DGLUCY: variants seen among roughly 807,000 people sequenced by gnomAD.
DGLUCY encodes D-glutamate cyclase, mitochondrial.
DGLUCY carries 58 observed loss-of-function variants against 58.5 expected under a neutral mutation model. The observed-to-expected ratio is 0.99, with a 90% CI of 0.80 to 1.23. The LOEUF is 1.23. Ranked by LOEUF, DGLUCY falls within the 50% of genes most tolerant of loss-of-function variation. DGLUCY has a pLI of 0.00. For missense variants in DGLUCY, 779 were observed against 784.7 expected (o/e 0.99, Z 0.09); for synonymous variants, 325 against 314.1 (o/e 1.03, Z -0.37).
chr14:91,149,367 ACT>A (rs2047187959), intron 1 of DGLUCY, among the ~76,000 whole-genome samples: 1 of 152,128 alleles, frequency 6.6e-6, no homozygotes, highest in Admixed American at 6.6e-5. Flanking sequence ...GGTCGTTATC[ACT>A]CTGGCAAATT....
intron 1 of DGLUCY, among the ~76,000 whole-genome samples, chr14:91,073,929 C>T (rs1159641114): frequency 3.3e-5 from 5 of 151,154 alleles, no homozygotes; most frequent in Non-Finnish European, 5.9e-5. Context: ...AAGACCAGCC[C>T]GGGCAATATA....
chr14:91,189,974 G>T (rs1047705703), intron 9 of DGLUCY, among the ~76,000 whole-genome samples: 3 of 138,270 alleles, frequency 2.2e-5, no homozygotes, highest in Non-Finnish European at 3.0e-5. Flanking sequence ...CACTCTGTTA[G>T]GTTCTTTTTT....
intron 9 of DGLUCY, among the ~76,000 whole-genome samples, chr14:91,190,230 G>T (rs891652378): frequency 6.6e-6 from 1 of 151,734 alleles, no homozygotes; most frequent in Non-Finnish European, 1.5e-5. Flanking sequence ...CTCGTGATCC[G>T]CCCGCCTCGG....
At chr14:91,205,806 TCTCCTCCTCCTC>T (rs146159847) in intron 12 of DGLUCY, among the ~76,000 whole-genome samples, 1 of 131,882 alleles carries the variant, frequency 7.6e-6, no homozygotes, top group East Asian at 2.2e-4. Context: ...TCCGTCTCCT[TCTCCTCCTCCTC>T]CTCCTCCTCC....
rs777627944 is a variant in DGLUCY, at chr14:91,170,125, CCCTGGAGGAGGCCT to C, written c.381_394del (p.Leu128GlyfsTer60). 4.5e-5 allele frequency: 73 copies of C among 1,613,410 alleles called. No individual in the cohort carries two copies. The South Asian group carries it at 7.6e-4, about 17-fold the overall frequency. ...GCCTTCTTCCTGGGCTGCAGCTTCT[CCCTGGAGGAGGCCT>C]TGGAGAAAGCGGGGCTCCCCAGAAG... On this transcript the variant is annotated frameshift_variant, in exon 5 of 14. Coordinates refer to ENST00000256324, the MANE Select transcript of DGLUCY (RefSeq NM_001102368.3). LOFTEE classifies it high-confidence loss of function.
chr14:91,149,505 A>G (rs1443280214), intron 1 of DGLUCY, among the ~76,000 whole-genome samples: 1 of 152,192 alleles, frequency 6.6e-6, no homozygotes, highest in Non-Finnish European at 1.5e-5. Flanking sequence ...AGAAGTAGCT[A>G]AACATCCTTA....
chr14:91,078,691 A>T (rs2044071537), intron 1 of DGLUCY, among the ~76,000 whole-genome samples: 8 of 152,086 alleles, frequency 5.3e-5, no homozygotes, highest in Admixed American at 5.2e-4. Context: ...GCCACATTGA[A>T]GTTTTGGGGT....
intron 6 of DGLUCY, chr14:91,173,682 G>A: frequency 1.1e-5 from 5 of 461,536 alleles, no homozygotes; most frequent in East Asian, 8.0e-5. Context: ...AGGGGCAAAG[G>A]CCCTGAACAA....
At chr14:91,142,855 ACAC>A in intron 1 of DGLUCY, among the ~76,000 whole-genome samples, 3 of 147,062 alleles carry the variant, frequency 2.0e-5, no homozygotes, top group African/African-American at 7.5e-5. Context: ...ACACACACAC[ACAC>A]ACACACACAC....
chr14:91,169,751 G>A lies in DGLUCY; in HGVS notation c.258-252G>A, dbSNP rs148044957. On this transcript the variant is annotated intron_variant, in intron 4 of 13. Transcript: ENST00000256324. ...GGTGGTTTGGCTTGTTTTGGCTTGC[G>A]GGTATAGGAGACACACTGGGTGGGA... 6.8e-4 allele frequency among the ~76,000 whole-genome samples: 104 copies of A among 151,860 alleles called. 1 individual carries two copies. Among genetic ancestry groups the A allele is most frequent in the South Asian group, 6.7e-3 (32 of 4,784 alleles).
chr14:91,080,832 G>A (rs1191295510), intron 1 of DGLUCY, among the ~76,000 whole-genome samples: 1 of 152,180 alleles, frequency 6.6e-6, no homozygotes, highest in Non-Finnish European at 1.5e-5. Flanking sequence ...TGCCTTTTGT[G>A]TGCATTGTGC....
Position 91,199,788 on chromosome 14 carries a change from GGAAGAGCTGCTGATGGCAATTAC to G in DGLUCY, c.1328_1350del (p.Gly443ValfsTer13). On this transcript the variant is annotated frameshift_variant, in exon 11 of 14. Transcript: ENST00000256324. LOFTEE classifies it high-confidence loss of function. ...CCACCTGGTGGCCATAGAGCGTGCCGGAAGAGCTGCTGATGGCAATTACTACAATGCAAGGAAGATGAACATCA... is the reference window on the plus strand; with the variant it reads ...CCACCTGGTGGCCATAGAGCGTGCCGTACAATGCAAGGAAGATGAACATCA... The G allele has an allele frequency of 6.2e-7, 1 of 1,614,164 alleles. No individual in the cohort carries two copies. The highest frequency in any genetic ancestry group is 8.5e-7 in the Non-Finnish European group (1 of 1,180,032).
chr14:91,199,513 A>G (rs2050421687), intron 10 of DGLUCY, among the ~76,000 whole-genome samples: 1 of 152,062 alleles, frequency 6.6e-6, no homozygotes, highest in Non-Finnish European at 1.5e-5. Flanking sequence ...TCGGCCTCCC[A>G]AACTGCTGGG....
At chr14:91,197,264 GC>G (rs1008726071) in intron 10 of DGLUCY, among the ~76,000 whole-genome samples, 2 of 151,954 alleles carry the variant, frequency 1.3e-5, no homozygotes, top group African/African-American at 4.8e-5. Context: ...ACCGCGCCTG[GC>G]CGCTAATTTT....
chr14:91,187,078 C>T (rs1413715948), intron 8 of DGLUCY, among the ~76,000 whole-genome samples: 1 of 152,066 alleles, frequency 6.6e-6, no homozygotes, highest in Non-Finnish European at 1.5e-5. Flanking sequence ...CGGCTCACTG[C>T]AACCTCCACC....
At chr14:91,068,075 G>A (rs1378848749) in intron 1 of DGLUCY, among the ~76,000 whole-genome samples, 5 of 46,058 alleles carry the variant, frequency 1.1e-4, no homozygotes, top group South Asian at 8.6e-4. Context: ...ACACACACGC[G>A]CACGCACACA....
In DGLUCY at chr14:91,196,744, T is replaced by TAAAAAAAAAAAAAAAAAAAAAAAAAA. The variant is rs146566022; in HGVS notation, c.1295+294_1295+295insAAAAAAAAAAAAAAAAAAAAAAAAAA. Among the ~76,000 whole-genome samples, 3 of 94,870 alleles carry TAAAAAAAAAAAAAAAAAAAAAAAAAA rather than the reference T, an allele frequency of 3.2e-5. 1 individual carries two copies. The highest frequency in any genetic ancestry group is 4.1e-5 in the Non-Finnish European group (2 of 48,194). 62.2% of individuals were successfully genotyped at this position (94,870 alleles called of 152,430 possible). A position where few individuals can be genotyped will look rare whatever the true frequency, so the allele number is the denominator to read the frequency against. Reference sequence around the variant, plus strand: ...TCCTGATAGAGGGGAGACATAGCACTAAAAAAAAAAAAAAAAAAAAAAAAG... The same window carrying TAAAAAAAAAAAAAAAAAAAAAAAAAA: ...TCCTGATAGAGGGGAGACATAGCACTAAAAAAAAAAAAAAAAAAAAAAAAAAAAAAAAAAAAAAAAAAAAAAAAAAG... On this transcript the variant is annotated intron_variant, in intron 10 of 13. Transcript: ENST00000256324.
rs927555640 is a variant in DGLUCY at position 91,124,173 on chromosome 14, A to T, written c.-82+9890A>T. ...GATCTCCTGACCTCGTGATCCACCC[A>T]CCTCGGCCTCCCAAAGTGCTGGGAT... On this transcript the variant is annotated intron_variant, in intron 1 of 13. Coordinates refer to ENST00000256324, the MANE Select transcript of DGLUCY (RefSeq NM_001102368.3). Among the ~76,000 whole-genome samples, 3 of 150,128 alleles carry T rather than the reference A, an allele frequency of 2.0e-5. No homozygotes were observed. In the East Asian group the frequency reaches 6.0e-4, roughly 30 times the overall value.
At chr14:91,132,077 G>A (rs752282421) in intron 1 of DGLUCY, among the ~76,000 whole-genome samples, 1 of 152,170 alleles carries the variant, frequency 6.6e-6, no homozygotes, top group African/African-American at 2.4e-5. Context: ...TCAGGCGTGC[G>A]CCACTGTACC....
Sources: gnomAD v4.1 joint callset for allele counts (sites outside exome capture counted in the v4.1 genomes callset) on GRCh38, gnomAD v4.1.1 for gene constraint, MANE v1.5 for transcripts, NCBI Gene and HGNC (gene_info 2026-07-23, HGNC 2026-07-21) for gene names.